PGAP3: variants seen among roughly 807,000 people sequenced by gnomAD.
The protein encoded by PGAP3 is GPI-specific phospholipase A2-like PGAP3.
A neutral mutation model predicts 40.3 loss-of-function variants in PGAP3; 31 were observed. That is an observed-to-expected ratio of 0.77 (90% CI 0.58 to 1.04). The LOEUF (loss-of-function observed/expected upper bound fraction) is 1.04, where lower values mean the gene tolerates loss of function less well. Among genes scored for constraint, PGAP3 ranks in the 50% least tolerant of loss-of-function variants. The probability of loss-of-function intolerance (pLI) is 0.00; values close to 1 mark genes in which losing one functional copy is unlikely to be tolerated. For synonymous variants in PGAP3, 191 were observed against 184.5 expected, an observed-to-expected ratio of 1.04 and a Z score of -0.29; for missense variants, 413 against 423.0, an observed-to-expected ratio of 0.98 and a Z score of 0.21.
Position 39,673,545 on chromosome 17 carries a change from A to C in PGAP3, c.663T>G (p.Tyr221Ter). 1 of 1,614,096 alleles carries C rather than the reference A, an allele frequency of 6.2e-7. No homozygotes were observed. The highest frequency in any genetic ancestry group is 8.5e-7 in the Non-Finnish European group (1 of 1,179,992). ...CCACGTTGGCCACCAGGTTGTAGCC[A>C]TAGTCGAAGCGGATGAGGCTCAGGT... ...VSYLSLIRFD[Y>*]GYNLVANVAI... Residue 221 changes from tyrosine to a stop codon, truncating the protein, a stop_gained, in exon 6 of 8, where the codon TAT (tyrosine) becomes TAG (stop). Coordinates refer to ENST00000300658, the MANE Select transcript of PGAP3 (RefSeq NM_033419.5). LOFTEE classifies it high-confidence loss of function.
In PGAP3 at chr17:39,672,841, G is replaced by C; in HGVS notation, c.925C>G (p.Leu309Val). 6.2e-7 allele frequency: 1 copy of C among 1,614,156 alleles called. No individual in the cohort carries two copies. Among genetic ancestry groups the C allele is most frequent in the African/African-American group, 1.3e-5 (1 of 75,048 alleles). The change falls in exon 8 of 8, where the codon CTG becomes GTG. Residue 309 changes from leucine (L) to valine (V), a missense_variant. Leu to Val is a conservative substitution (Grantham distance 32). Coordinates refer to ENST00000300658, the MANE Select transcript of PGAP3 (RefSeq NM_033419.5). ...AACTTGTCCTCTGATTCCTTCAGCA[G>C]GTACAGGCTGTCATCTTCCAGAAAG... ...FSFLEDDSLY[L>V]LKESEDKFKL... is the part of the protein sequence containing the mutation.
rs1323941503 is a variant in PGAP3 at position 39,671,437 on chromosome 17, GC to G, written c.*1365del. On this transcript the variant is annotated 3_prime_UTR_variant, in exon 8 of 8. Transcript: ENST00000300658. ...AGGGCGCAGGCATAGTGTGGCCCCT[GC>G]CTGCCCTGGGGCCACCCTGGAACAG... 3.3e-5 allele frequency: 5 copies of G among 152,300 alleles called. No individual in the cohort carries two copies. The highest frequency in any genetic ancestry group is 7.3e-5 in the Non-Finnish European group (5 of 68,044). The allele number at this position is 152,300 out of a possible 1,614,324, so 9.4% of individuals were successfully genotyped here. A position where few individuals can be genotyped will look rare whatever the true frequency, so the allele number is the denominator to read the frequency against.
chr17:39,685,864 G>T, intron 2 of PGAP3, 58 bp downstream of exon 2: 2 of 1,491,580 alleles, frequency 1.3e-6, no homozygotes, highest in East Asian at 2.3e-5. Context: ...GTCCAACCAG[G>T]GGGTATATTA....
rs2057587358 is a variant in PGAP3 at position 39,687,837 on chromosome 17, C to G, written c.178G>C (p.Ala60Pro). Residue 60 changes from alanine to proline, a missense_variant, in exon 1 of 8, where the codon GCA becomes CCA. Transcript: ENST00000300658. ...RSRQPIYMSL[A>P]GWTCRDDCKY... Reference sequence around the variant, plus strand: ...TTACCGTGGGGGTGGGGCTTACCTGCTAGACTCATGTAGATTGGCTGGCGG... The same window carrying G: ...TTACCGTGGGGGTGGGGCTTACCTGGTAGACTCATGTAGATTGGCTGGCGG... The G allele has an allele frequency of 2.0e-6, 3 of 1,475,980 alleles. No homozygotes were observed. In the South Asian group the frequency reaches 4.0e-5, roughly 20 times the overall value. 91.4% of individuals were successfully genotyped at this position (1,475,980 alleles called of 1,614,324 possible). A position where few individuals can be genotyped will look rare whatever the true frequency, so the allele number is the denominator to read the frequency against.
Position 39,671,369 on chromosome 17 carries a change from A to C in PGAP3, c.*1434T>G, listed in dbSNP as rs1258705308. 1 of 152,340 alleles carries C rather than the reference A, an allele frequency of 6.6e-6. No individual in the cohort carries two copies. Among genetic ancestry groups the C allele is most frequent in the Non-Finnish European group, 1.5e-5 (1 of 68,058 alleles). The allele number at this position is 152,340 out of a possible 1,614,324, so 9.4% of individuals were successfully genotyped here. A position where few individuals can be genotyped will look rare whatever the true frequency, so the allele number is the denominator to read the frequency against. On this transcript the variant is annotated 3_prime_UTR_variant, in exon 8 of 8. Transcript: ENST00000300658. ...CTCCATTCTATTCCTGTGGGGCAGG[A>C]ACATGCCAGGGCTGCTGGTAAATGG...
intron 1 of PGAP3, 41 bp downstream of exon 1, chr17:39,687,793 C>G: frequency 7.7e-7 from 1 of 1,295,702 alleles, no homozygotes; most frequent in Non-Finnish European, 9.9e-7. Flanking sequence ...GGGGCGGGAG[C>G]AAGACAAATG....
At chr17:39,681,055 G>A (rs557284424) in intron 3 of PGAP3, among the ~76,000 whole-genome samples, 2 of 152,094 alleles carry the variant, frequency 1.3e-5, no homozygotes, top group East Asian at 3.9e-4. Context: ...TGGTAGAGAC[G>A]GGGTTTCACC....
chr17:39,677,103 C>T (rs1854063154), intron 3 of PGAP3, among the ~76,000 whole-genome samples: 1 of 152,184 alleles, frequency 6.6e-6, no homozygotes, highest in Non-Finnish European at 1.5e-5. Context: ...GGACACATAA[C>T]CCAGTATGTG....
chr17:39,674,475 C>G, intron 4 of PGAP3, 142 bp downstream of exon 4: 1 of 867,310 alleles, frequency 1.2e-6, no homozygotes, highest in Non-Finnish European at 1.7e-6. Flanking sequence ...ATCAAGGGCA[C>G]CAACAGGTTT....
intron 2 of PGAP3, 21 bp downstream of exon 2, chr17:39,685,901 T>C: frequency 6.2e-7 from 1 of 1,603,888 alleles, no homozygotes; most frequent in South Asian, 1.1e-5. Context: ...ACCATATGCC[T>C]ACCCTGACCC....
At position 39,672,469 on chromosome 17, in the gene PGAP3, C is replaced by T; in HGVS notation, c.*334G>A. 5.1e-6 allele frequency: 2 copies of T among 392,066 alleles called. No individual in the cohort carries two copies. Among genetic ancestry groups the T allele is most frequent in the South Asian group, 5.6e-5 (2 of 35,918 alleles). The allele number at this position is 392,066 out of a possible 1,614,324, so 24.3% of individuals were successfully genotyped here. A position where few individuals can be genotyped will look rare whatever the true frequency, so the allele number is the denominator to read the frequency against. On this transcript the variant is annotated 3_prime_UTR_variant, in exon 8 of 8. Coordinates refer to ENST00000300658, the MANE Select transcript of PGAP3 (RefSeq NM_033419.5). ...AGGGCTTCAGGACCCAGCCAGGCAG[C>T]TGGGGATGTGGGGAGGAGGCTGATG...
chr17:39,677,143 G>C (rs754548801), intron 3 of PGAP3, among the ~76,000 whole-genome samples: 6 of 152,294 alleles, frequency 3.9e-5, no homozygotes, highest in Non-Finnish European at 7.4e-5. Flanking sequence ...CTACAAAACA[G>C]GTTCATAATG....
intron 3 of PGAP3, among the ~76,000 whole-genome samples, chr17:39,680,097 G>A (rs914612559): frequency 1.3e-5 from 2 of 152,108 alleles, no homozygotes; most frequent in Admixed American, 1.3e-4. Flanking sequence ...TGGGGCAGGG[G>A]ATTCAGCCTC....
chr17:39,687,269 C>G (rs559339148), intron 1 of PGAP3, among the ~76,000 whole-genome samples: 1 of 152,210 alleles, frequency 6.6e-6, no homozygotes, highest in African/African-American at 2.4e-5. Context: ...ATTAGAGAAA[C>G]TATCTCAAAG....
chr17:39,683,900 G>A (rs1283542521), intron 3 of PGAP3, among the ~76,000 whole-genome samples: 7 of 152,040 alleles, frequency 4.6e-5, no homozygotes, highest in Non-Finnish European at 5.9e-5. Context: ...CGAGGTGGGT[G>A]GATCACCTGA....
chr17:39,679,079 G>T (rs1031242019), intron 3 of PGAP3, among the ~76,000 whole-genome samples: 17 of 152,042 alleles, frequency 1.1e-4, no homozygotes, highest in African/African-American at 4.1e-4. Flanking sequence ...CCGAGTAGCT[G>T]GGATTACAGG....
intron 3 of PGAP3, among the ~76,000 whole-genome samples, 161 bp from the exon 4 acceptor site, chr17:39,674,840 T>C (rs1342629818): frequency 6.6e-6 from 1 of 152,062 alleles, no homozygotes; most frequent in Non-Finnish European, 1.5e-5. Flanking sequence ...TATGTCCCTC[T>C]ACCCCCACCC....
intron 2 of PGAP3, among the ~76,000 whole-genome samples, chr17:39,685,126 C>T (rs562609965): frequency 6.6e-6 from 1 of 152,204 alleles, no homozygotes; most frequent in East Asian, 1.9e-4. Flanking sequence ...CTGTGAAAAA[C>T]TGGGGTGAAT....
At chr17:39,681,843 A>C (rs898613336) in intron 3 of PGAP3, among the ~76,000 whole-genome samples, 7 of 152,014 alleles carry the variant, frequency 4.6e-5, no homozygotes, top group African/African-American at 1.2e-4. Flanking sequence ...GATAGGTCCC[A>C]AAACAGACCA....
Sources: allele counts gnomAD v4.1 joint callset (sites outside exome capture counted in the v4.1 genomes callset), GRCh38; gene constraint gnomAD v4.1.1; transcripts MANE v1.5; gene names NCBI Gene and HGNC (gene_info 2026-07-23, HGNC 2026-07-21).